Variants in KAT6A observed in about 807,000 individuals in gnomAD.
The protein encoded by KAT6A is lysine acetyltransferase 6A, also known as histone acetyltransferase KAT6A.
KAT6A carries 9 observed loss-of-function variants against 198.4 expected under a neutral mutation model. The observed-to-expected ratio is 0.05, with a 90% confidence interval of 0.03 to 0.08. The LOEUF (loss-of-function observed/expected upper bound fraction) is 0.08, where lower values mean the gene tolerates loss of function less well. Among genes scored for constraint, KAT6A ranks in the 10% least tolerant of loss-of-function variants. KAT6A has a pLI of 1.00. For missense variants in KAT6A, 2,077 were observed against 2,509.9 expected (o/e 0.83, Z 3.69); for synonymous variants, 890 against 883.0 (o/e 1.01, Z -0.14).
chr8:42,022,247 G>GT (rs1176910272), intron 2 of KAT6A, among the ~76,000 whole-genome samples: 1 of 152,066 alleles, frequency 6.6e-6, no homozygotes, highest in Non-Finnish European at 1.5e-5. Context: ...ACCTGATACT[G>GT]TATCAGGTTT....
intron 2 of KAT6A, among the ~76,000 whole-genome samples, chr8:42,034,473 T>TA: frequency 6.6e-6 from 1 of 152,214 alleles, no homozygotes; most frequent in Non-Finnish European, 1.5e-5. Context: ...TTACAACTCA[T>TA]ATATACTATA....
chr8:41,992,347 A>G (rs1279571104), intron 2 of KAT6A, among the ~76,000 whole-genome samples: 1 of 152,240 alleles, frequency 6.6e-6, no homozygotes, highest in Non-Finnish European at 1.5e-5. Context: ...AGAGCAGACA[A>G]AAGGTAGCTA....
intron 2 of KAT6A, among the ~76,000 whole-genome samples, chr8:41,988,244 G>A (rs1003837355): frequency 1.3e-5 from 2 of 152,062 alleles, no homozygotes; most frequent in Non-Finnish European, 2.9e-5. Flanking sequence ...TGTGCAGTCT[G>A]GTAAGGCCAA....
chr8:41,961,899 G>A (rs1823220560), intron 8 of KAT6A, among the ~76,000 whole-genome samples: 2 of 151,030 alleles, frequency 1.3e-5, no homozygotes. Context: ...ATTCTTTCTT[G>A]AAACCACTCC....
chr8:41,976,677 C>G (rs1021220739), intron 7 of KAT6A, among the ~76,000 whole-genome samples: 2 of 152,250 alleles, frequency 1.3e-5, no homozygotes, highest in Admixed American at 1.3e-4. Flanking sequence ...TAACATTCAC[C>G]ATATGATTTC....
Position 41,932,804 on chromosome 8 carries a change from C to G in KAT6A, c.5416G>C (p.Ala1806Pro). 6.2e-7 allele frequency: 1 copy of G among 1,614,068 alleles called. No homozygotes were observed. Among genetic ancestry groups the G allele is most frequent in the Non-Finnish European group, 8.5e-7 (1 of 1,179,970 alleles). ...PSHPLAGTPQ[A>P]QATMTPPPNL... ...GGGGGTGGCGTCATGGTGGCTTGTG[C>G]TTGAGGAGTCCCAGCTAAGGGATGA... The change falls in exon 17 of 17, where the codon GCA becomes CCA. Residue 1806 changes from alanine to proline, a missense_variant. Physicochemically the swap from Ala to Pro is conservative, Grantham distance 27. Transcript: ENST00000265713.
At chr8:41,980,196 T>C (rs1824278912) in intron 5 of KAT6A, among the ~76,000 whole-genome samples, 1 of 152,178 alleles carries the variant, frequency 6.6e-6, no homozygotes, top group African/African-American at 2.4e-5. Flanking sequence ...CTGAAGTTTT[T>C]TTTAAAGAAC....
At chr8:41,957,785 T>C (rs1381286297) in intron 8 of KAT6A, 2 of 154,490 alleles carry the variant, frequency 1.3e-5, no homozygotes, top group East Asian at 3.8e-4. Context: ...CCAGTTTATA[T>C]GAAAAGAGTA....
chr8:41,935,974 T>G (rs1388553734), intron 16 of KAT6A, among the ~76,000 whole-genome samples: 1 of 152,228 alleles, frequency 6.6e-6, no homozygotes, highest in Non-Finnish European at 1.5e-5. Context: ...ATTAAAAGTA[T>G]TTGTTGGCCA....
intron 2 of KAT6A, among the ~76,000 whole-genome samples, chr8:41,988,604 G>A (rs968284171): frequency 7.2e-5 from 11 of 152,198 alleles, no homozygotes; most frequent in African/African-American, 2.7e-4. Flanking sequence ...GTGAAGACAA[G>A]ATGAGAACTT....
intron 2 of KAT6A, among the ~76,000 whole-genome samples, chr8:42,013,480 G>A (rs948482104): frequency 2.0e-5 from 3 of 151,996 alleles, no homozygotes; most frequent in African/African-American, 7.2e-5. Context: ...TGATCCACCC[G>A]CCTTGGCCTC....
chr8:41,997,499 AAGTT>A (rs1382579330), intron 2 of KAT6A, among the ~76,000 whole-genome samples: 1 of 152,222 alleles, frequency 6.6e-6, no homozygotes, highest in Non-Finnish European at 1.5e-5. Context: ...ACCTACATGG[AAGTT>A]AGTTATCTTT....
Position 42,006,731 on chromosome 8 carries a change from C to G in KAT6A, c.601-19168G>C, listed in dbSNP as rs1286088114. Among the ~76,000 whole-genome samples the G allele has an allele frequency of 2.6e-5, 4 of 152,266 alleles. No homozygotes were observed. In the East Asian group the frequency reaches 7.7e-4, roughly 29 times the overall value. On this transcript the variant is annotated intron_variant, in intron 2 of 16. Coordinates refer to ENST00000265713, the MANE Select transcript of KAT6A (RefSeq NM_006766.5). ...GAAATCAGTTGACTGGGCACAGTGT[C>G]ATGCCTGTAATCCCAGCACTTTAGG...
intron 2 of KAT6A, among the ~76,000 whole-genome samples, chr8:42,011,895 GAAAA>G (rs35104277): frequency 4.4e-5 from 5 of 114,290 alleles, no homozygotes; most frequent in African/African-American, 1.3e-4. Flanking sequence ...AAAAGAAGAG[GAAAA>G]AAAAAAAAAA....
intron 2 of KAT6A, among the ~76,000 whole-genome samples, chr8:41,988,377 T>C (rs1824735321): frequency 6.6e-6 from 1 of 152,242 alleles, no homozygotes; most frequent in African/African-American, 2.4e-5. Flanking sequence ...CATTAAAATG[T>C]ATACATTAAA....
intron 9 of KAT6A, 68 bp downstream of exon 9, chr8:41,955,228 A>C (rs2150871284): frequency 1.0e-6 from 1 of 965,446 alleles, no homozygotes; most frequent in Non-Finnish European, 1.7e-6. Context: ...AAACATCTTC[A>C]AGATCCCTTC....
intron 8 of KAT6A, among the ~76,000 whole-genome samples, chr8:41,956,177 C>T (rs754620598): frequency 6.6e-6 from 1 of 152,116 alleles, no homozygotes; most frequent in South Asian, 2.1e-4. Context: ...AACATAAGTA[C>T]GTAGCTCAAG....
chr8:42,030,731 AT>A (rs1229020291), intron 2 of KAT6A, among the ~76,000 whole-genome samples: 1 of 151,664 alleles, frequency 6.6e-6, no homozygotes, highest in Non-Finnish European at 1.5e-5. Flanking sequence ...CACCTGACAA[AT>A]TTTTTGTTGT....
rs1821631581 is a variant in KAT6A at position 41,932,971 on chromosome 8, G to A, written c.5249C>T (p.Thr1750Ile). ...GAGSYSQPSATFSLAKLQQLT... is the reference protein window; with the variant it reads ...GAGSYSQPSAIFSLAKLQQLT... Reference sequence around the variant, plus strand: ...CTGCTGCAGCTTGGCTAGGCTGAAGGTGGCTGATGGTTGAGAGTAGCTGCC... The same window carrying A: ...CTGCTGCAGCTTGGCTAGGCTGAAGATGGCTGATGGTTGAGAGTAGCTGCC... Residue 1750 changes from threonine (T) to isoleucine (I), a missense_variant, in exon 17 of 17, where the codon ACC becomes ATC. Coordinates refer to ENST00000265713, the MANE Select transcript of KAT6A (RefSeq NM_006766.5). The A allele has an allele frequency of 6.2e-7, 1 of 1,614,160 alleles. No individual in the cohort carries two copies. Among genetic ancestry groups the A allele is most frequent in the Non-Finnish European group, 8.5e-7 (1 of 1,180,004 alleles).
Sources: gnomAD v4.1 joint callset for allele counts (sites outside exome capture counted in the v4.1 genomes callset) on GRCh38, gnomAD v4.1.1 for gene constraint, MANE v1.5 for transcripts, NCBI Gene and HGNC (gene_info 2026-07-23, HGNC 2026-07-21) for gene names.